The following ARID4A variants were observed in gnomAD, a reference collection of about 807,000 sequenced individuals.
ARID4A encodes the protein AT-rich interaction domain 4A.
A neutral mutation model predicts 148.6 loss-of-function variants in ARID4A; 39 were observed. The observed-to-expected ratio is 0.26, with a 90% confidence interval of 0.20 to 0.34. The LOEUF is 0.34. ARID4A is among the 10% of genes least tolerant of loss of function. The probability of loss-of-function intolerance (pLI) is 1.00; values close to 1 mark genes in which losing one functional copy is unlikely to be tolerated. For missense variants in ARID4A, 1,265 were observed against 1,449.1 expected, an observed-to-expected ratio of 0.87 and a Z score of 2.06; for synonymous variants, 475 against 481.2, an observed-to-expected ratio of 0.99 and a Z score of 0.17.
chr14:58,301,726 C>G, intron 3 of ARID4A, 36 bp downstream of exon 3: 1 of 1,521,692 alleles, frequency 6.6e-7, no homozygotes, highest in Non-Finnish European at 9.1e-7. Context: ...TTTATTAACT[C>G]TAGATTGAAG....
At chr14:58,366,832 T>G (rs766058132) in intron 22 of ARID4A, 51 bp from the exon 23 acceptor site, 1 of 1,364,250 alleles carries the variant, frequency 7.3e-7, no homozygotes, top group East Asian at 2.7e-5. Flanking sequence ...GTCATCATTT[T>G]TCTCACAGAA....
At chr14:58,340,825 C>A (rs1278509992) in intron 11 of ARID4A, among the ~76,000 whole-genome samples, 1 of 152,212 alleles carries the variant, frequency 6.6e-6, no homozygotes, top group Non-Finnish European at 1.5e-5. Flanking sequence ...TTCTTATTTC[C>A]TCTCTTTCTC....
At position 58,365,008 on chromosome 14, in the gene ARID4A, C is replaced by G. The variant is rs1389026566; in HGVS notation, c.2919C>G (p.Thr973=). 2 of 1,613,970 alleles carry G rather than the reference C, an allele frequency of 1.2e-6. No homozygotes were observed. The highest frequency in any genetic ancestry group is 1.7e-6 in the Non-Finnish European group (2 of 1,180,010). ...DLDDLDEKDK[T]SIEDVAVESS... is the part of the protein sequence containing the mutation. ...ATGATTTGGATGAAAAGGATAAGAC[C>G]AGCATTGAGGATGTAGCAGTTGAAA... The change falls in exon 20 of 24, where the codon ACC becomes ACG. Residue 973 remains threonine, a synonymous_variant. Coordinates refer to ENST00000355431, the MANE Select transcript of ARID4A (RefSeq NM_002892.4).
intron 7 of ARID4A, among the ~76,000 whole-genome samples, chr14:58,319,521 CTTTTTTTTTTTTTTTTTTTTTTTTT>C (rs71107934): frequency 1.5e-4 from 9 of 62,044 alleles, no homozygotes; most frequent in Non-Finnish European, 2.6e-4. Context: ...TCTATATACT[CTTTTTTTTTTTTTTTTTTTTTTTTT>C]TTTTTTTTTT....
Position 58,299,830 on chromosome 14 carries a change from G to A in ARID4A, c.-25G>A. 3.7e-6 allele frequency: 6 copies of A among 1,614,198 alleles called. No homozygotes were observed. Among genetic ancestry groups the A allele is most frequent in the Non-Finnish European group, 4.2e-6 (5 of 1,180,032 alleles). On this transcript the variant is annotated 5_prime_UTR_variant, in exon 2 of 24. Coordinates refer to ENST00000355431, the MANE Select transcript of ARID4A (RefSeq NM_002892.4). Reference sequence around the variant, plus strand: ...GACTGCGAAGATAGCTCGCTGAGCTGGAACCCCACAGATCACCAACAAAAA... The same window carrying A: ...GACTGCGAAGATAGCTCGCTGAGCTAGAACCCCACAGATCACCAACAAAAA...
At chr14:58,364,031 T>A (rs1238125018) in intron 19 of ARID4A, 139 bp from the exon 20 acceptor site, 2 of 408,682 alleles carry the variant, frequency 4.9e-6, no homozygotes, top group African/African-American at 2.1e-5. Context: ...TGATTTGTTT[T>A]ATTTCAGAAA....
intron 11 of ARID4A, among the ~76,000 whole-genome samples, chr14:58,335,084 CTT>C (rs2033742141): frequency 6.6e-6 from 1 of 152,146 alleles, no homozygotes; most frequent in Non-Finnish European, 1.5e-5. Flanking sequence ...CTCCAACAAA[CTT>C]TTGTACTAAA....
intron 16 of ARID4A, among the ~76,000 whole-genome samples, chr14:58,351,834 A>G (rs948171767): frequency 6.6e-6 from 1 of 152,182 alleles, no homozygotes; most frequent in Admixed American, 6.5e-5. Flanking sequence ...GCCCCACATC[A>G]CACCAATAAA....
At chr14:58,319,910 C>T (rs1281927323) in intron 7 of ARID4A, among the ~76,000 whole-genome samples, 10 of 148,496 alleles carry the variant, frequency 6.7e-5, no homozygotes, top group Admixed American at 1.3e-4. Context: ...ATTTGCTTTA[C>T]GATTCCCTCT....
At chr14:58,335,155 C>G (rs1394837211) in intron 11 of ARID4A, among the ~76,000 whole-genome samples, 1 of 152,160 alleles carries the variant, frequency 6.6e-6, no homozygotes, top group African/African-American at 2.4e-5. Context: ...GTACCTCTGA[C>G]ATACCTAACT....
chr14:58,365,764 AT>A, intron 21 of ARID4A, 142 bp downstream of exon 21: 1 of 802,002 alleles, frequency 1.2e-6, no homozygotes, highest in Non-Finnish European at 1.9e-6. Flanking sequence ...ATATTTTGCC[AT>A]TTTTATTCTT....
rs990667432 is a variant in ARID4A at position 58,332,090 on chromosome 14, G to A, written c.906+1921G>A. Reference sequence around the variant, plus strand: ...GAGGGAGATTATAAAATAGTAAATTGTAAGTAGTGCTCTTATTACAATGAT... The same window carrying A: ...GAGGGAGATTATAAAATAGTAAATTATAAGTAGTGCTCTTATTACAATGAT... On this transcript the variant is annotated intron_variant, in intron 11 of 23. Coordinates refer to ENST00000355431, the MANE Select transcript of ARID4A (RefSeq NM_002892.4). 1.4e-5 allele frequency among the ~76,000 whole-genome samples: 2 copies of A among 141,784 alleles called. 1 individual carries two copies. The highest frequency in any genetic ancestry group is 5.2e-5 in the African/African-American group (2 of 38,498). 93.0% of individuals were successfully genotyped at this position (141,784 alleles called of 152,430 possible).
chr14:58,364,229 G>T lies in ARID4A; in HGVS notation c.2140G>T (p.Glu714Ter). ...TTTAGAAAAGAATTTAATAAATGAA[G>T]AACTTTCTCTTAAAGATGAACTAGA... is the stretch of plus-strand genomic sequence containing the variant. ...DALEKNLINE[E>*]LSLKDELEKN... is the part of the protein sequence containing the mutation. The change falls in exon 20 of 24, where the codon GAA (glutamate) becomes TAA (stop). Residue 714 changes from glutamate (E) to a stop codon, truncating the protein, a stop_gained. Transcript: ENST00000355431. LOFTEE classifies it high-confidence loss of function. The T allele has an allele frequency of 1.3e-6, 2 of 1,507,094 alleles. No homozygotes were observed. Among genetic ancestry groups the T allele is most frequent in the South Asian group, 1.4e-5 (1 of 73,156 alleles). 93.4% of individuals were successfully genotyped at this position (1,507,094 alleles called of 1,614,324 possible). A position where few individuals can be genotyped will look rare whatever the true frequency, so the allele number is the denominator to read the frequency against.
At chr14:58,334,345 C>T (rs1032013911) in intron 11 of ARID4A, among the ~76,000 whole-genome samples, 3 of 152,096 alleles carry the variant, frequency 2.0e-5, no homozygotes, top group Non-Finnish European at 4.4e-5. Flanking sequence ...TGATAAAATA[C>T]AAGAATCATG....
chr14:58,312,369 A>G (rs1039720598), intron 5 of ARID4A, among the ~76,000 whole-genome samples: 3 of 151,872 alleles, frequency 2.0e-5, no homozygotes, highest in Non-Finnish European at 2.9e-5. Context: ...GGCATATACC[A>G]TCACCCTGGC....
At position 58,324,023 on chromosome 14, in the gene ARID4A, G is replaced by C. The variant is rs1313857850; in HGVS notation, c.582+406G>C. Among the ~76,000 whole-genome samples the C allele has an allele frequency of 2.0e-5, 3 of 148,432 alleles. No individual in the cohort carries two copies. The Admixed American group carries it at 2.1e-4, about 10-fold the overall frequency. On this transcript the variant is annotated intron_variant, in intron 8 of 23. Transcript: ENST00000355431. ...GGGTTCACGCCATTCTCCTGCCTCA[G>C]CCTCCGGAGTAGCTGGGACAACAGG...
chr14:58,364,486 A>C lies in ARID4A; in HGVS notation c.2397A>C (p.Thr799=). The C allele has an allele frequency of 6.2e-7, 1 of 1,612,764 alleles. No individual in the cohort carries two copies. Among genetic ancestry groups the C allele is most frequent in the Non-Finnish European group, 8.5e-7 (1 of 1,179,790 alleles). Reference sequence around the variant, plus strand: ...AAGGAAAGGGAAGACGAAGCAAGACAAAAGATCTTTCTTTAGAAATTATAA... The same window carrying C: ...AAGGAAAGGGAAGACGAAGCAAGACCAAAGATCTTTCTTTAGAAATTATAA... ...SPKGKGRRSK[T]KDLSLEIIKI... is the part of the protein sequence containing the mutation. Residue 799 remains threonine, a synonymous_variant, in exon 20 of 24, where the codon ACA becomes ACC. Transcript: ENST00000355431.
At chr14:58,346,229 G>A (rs929703776) in intron 12 of ARID4A, among the ~76,000 whole-genome samples, 182 bp from the exon 13 acceptor site, 2 of 149,294 alleles carry the variant, frequency 1.3e-5, no homozygotes, top group African/African-American at 2.4e-5. Context: ...ATATAAAAAA[G>A]AATTATTATA....
chr14:58,301,208 A>T (rs2031136306), intron 2 of ARID4A, among the ~76,000 whole-genome samples: 2 of 152,178 alleles, frequency 1.3e-5, no homozygotes, highest in African/African-American at 4.8e-5. Context: ...AATTTGAAAA[A>T]TTTCAGGAAG....
Sources: gnomAD v4.1 joint callset for allele counts (sites outside exome capture counted in the v4.1 genomes callset) on GRCh38, gnomAD v4.1.1 for gene constraint, MANE v1.5 for transcripts, NCBI Gene and HGNC (gene_info 2026-07-23, HGNC 2026-07-21) for gene names.